ZNF296: variants seen among roughly 807,000 people sequenced by gnomAD.
ZNF296 encodes the protein zinc finger protein 296, also known as zinc finger protein 342.
In ZNF296, 1 loss-of-function variant was observed where a neutral mutation model predicts 13.2. The observed-to-expected ratio is 0.08, with a 90% confidence interval of 0.03 to 0.36. The LOEUF (loss-of-function observed/expected upper bound fraction) is 0.36, where lower values mean the gene tolerates loss of function less well. Ranked by LOEUF, ZNF296 falls within the 10% of genes least tolerant of loss-of-function variation. The pLI, the probability that ZNF296 is intolerant of heterozygous loss-of-function variation, is 0.99. For missense variants in ZNF296, 555 were observed against 688.2 expected, an observed-to-expected ratio of 0.81 and a Z score of 2.16; for synonymous variants, 303 against 289.0, an observed-to-expected ratio of 1.05 and a Z score of -0.49.
Position 45,072,086 on chromosome 19 carries a change from T to G in ZNF296, c.943A>C (p.Ser315Arg). Residue 315 changes from serine (S) to arginine (R), a missense_variant, in exon 3 of 3, where the codon AGC becomes CGC. Transcript: ENST00000303809. ...TCACCACCGCTGCATGGAAGGGTGC[T>G]GGTGGGGGCAGCAGCATGGACAGCC... ...EPAVHAAAPT[S>R]TLPCSGGEGA... is the part of the protein sequence containing the mutation. 1 of 1,612,084 alleles carries G rather than the reference T, an allele frequency of 6.2e-7. No homozygotes were observed. Among genetic ancestry groups the G allele is most frequent in the Middle Eastern group, 1.7e-4 (1 of 6,052 alleles).
chr19:45,071,691 C>A lies in ZNF296; in HGVS notation c.1338G>T (p.Glu446Asp). 6.3e-7 allele frequency: 1 copy of A among 1,580,920 alleles called. No homozygotes were observed. Among genetic ancestry groups the A allele is most frequent in the Non-Finnish European group, 8.6e-7 (1 of 1,163,144 alleles). Residue 446 changes from glutamate (E) to aspartate (D), a missense_variant, in exon 3 of 3, where the codon GAG (glutamate) becomes GAT (aspartate). Around this residue, in one of 3 missense-constraint regions of ZNF296, gnomAD observed 410 missense variants for 548.0 expected, o/e 0.75. Transcript: ENST00000303809. ...HGMTPGSTRFECPHCHVPFGL... is the reference protein window; with the variant it reads ...HGMTPGSTRFDCPHCHVPFGL... ...CGAAGGGCACATGGCAGTGGGGGCA[C>A]TCGAAGCGGGTGCTGCCAGGCGTCA...
At chr19:45,074,706 T>C (rs955267013) in intron 2 of ZNF296, among the ~76,000 whole-genome samples, 4 of 152,130 alleles carry the variant, frequency 2.6e-5, no homozygotes, top group African/African-American at 9.7e-5. Flanking sequence ...TCAGGGACCC[T>C]AGAGATCCCC....
At position 45,076,453 on chromosome 19, in the gene ZNF296, G is replaced by T; in HGVS notation, c.-80C>A. 1 of 1,067,762 alleles carries T rather than the reference G, an allele frequency of 9.4e-7. No individual in the cohort carries two copies. The highest frequency in any genetic ancestry group is 4.6e-5 in the South Asian group (1 of 21,828). 66.1% of individuals were successfully genotyped at this position (1,067,762 alleles called of 1,614,324 possible). A position where few individuals can be genotyped will look rare whatever the true frequency, so the allele number is the denominator to read the frequency against. On this transcript the variant is annotated 5_prime_UTR_variant, in exon 1 of 3. Transcript: ENST00000303809. The surrounding 1 kb of genome is among the most constrained non-coding windows in gnomAD (Gnocchi z 4.9). ...AGGACGCACGAGCGGAGGACGCGCG[G>T]ACCGTGCGCGCTCAGGTGAGTGACT...
Position 45,076,073 on chromosome 19 carries a change from C to T in ZNF296, c.298+3G>A. On this transcript the variant is annotated splice_donor_region_variant and intron_variant, in intron 1 of 2. Transcript: ENST00000303809. This position sits in a 1 kb window ranked among gnomAD's most constrained non-coding sequence, Gnocchi z 4.9. ...GGCTGGGCCCAGGGCCCGGGGTGCT[C>T]ACCGGGATAGTTCGGGGTCAACGGC... is the stretch of plus-strand genomic sequence containing the variant. The T allele has an allele frequency of 6.3e-7, 1 of 1,582,100 alleles. No homozygotes were observed. The highest frequency in any genetic ancestry group is 2.3e-5 in the East Asian group (1 of 44,252).
intron 2 of ZNF296, among the ~76,000 whole-genome samples, chr19:45,073,869 A>C (rs1967297525): frequency 6.7e-6 from 1 of 150,246 alleles, no homozygotes; most frequent in Non-Finnish European, 1.5e-5. Context: ...AGTAAAAATA[A>C]AAAATAGCCG....
chr19:45,072,216 G>C lies in ZNF296; in HGVS notation c.813C>G (p.Ser271Arg). 3.7e-6 allele frequency: 6 copies of C among 1,610,402 alleles called. No individual in the cohort carries two copies. Among genetic ancestry groups the C allele is most frequent in the Non-Finnish European group, 5.1e-6 (6 of 1,177,846 alleles). ...CDQCPYACAQ[S>R]SKLNRHKKTH... is the part of the protein sequence containing the mutation. ...TCTTCTTGTGGCGGTTGAGCTTGCT[G>C]CTCTGGGCGCAGGCGTAGGGACACT... Residue 271 changes from serine to arginine, a missense_variant, in exon 3 of 3, where the codon AGC (serine) becomes AGG (arginine). Ser to Arg is a moderately radical substitution (Grantham distance 110, BLOSUM62 -1). Coordinates refer to ENST00000303809, the MANE Select transcript of ZNF296 (RefSeq NM_145288.3).
At chr19:45,072,607 A>G (rs759727785) in intron 2 of ZNF296, 27 bp from the exon 3 acceptor site, 2 of 1,557,568 alleles carry the variant, frequency 1.3e-6, no homozygotes, top group South Asian at 1.2e-5. Flanking sequence ...GCAGAGTGTT[A>G]GTGCGGACAG....
At chr19:45,073,047 G>A (rs1967285894) in intron 2 of ZNF296, among the ~76,000 whole-genome samples, 1 of 152,088 alleles carries the variant, frequency 6.6e-6, no homozygotes. Flanking sequence ...CCACTGTGCT[G>A]GGCCATGTGT....
chr19:45,071,512 A>G lies in ZNF296; in HGVS notation c.*89T>C. The stretch of plus-strand genomic sequence containing the variant: ...GTCCAGACGGGTGTAAATAAAAGGG[A>G]AAATTTACTTGGAGAAGGCGGGCAA... On this transcript the variant is annotated 3_prime_UTR_variant, in exon 3 of 3. Coordinates refer to ENST00000303809, the MANE Select transcript of ZNF296 (RefSeq NM_145288.3). The G allele has an allele frequency of 6.7e-7, 1 of 1,485,210 alleles. No individual in the cohort carries two copies. Among genetic ancestry groups the G allele is most frequent in the Non-Finnish European group, 8.9e-7 (1 of 1,123,848 alleles). 92.0% of individuals were successfully genotyped at this position (1,485,210 alleles called of 1,614,324 possible). A position where few individuals can be genotyped will look rare whatever the true frequency, so the allele number is the denominator to read the frequency against.
rs752688112 is a variant in ZNF296, at chr19:45,072,038, C to T, written c.991G>A (p.Ala331Thr). The T allele has an allele frequency of 1.2e-6, 2 of 1,612,976 alleles. No homozygotes were observed. Among genetic ancestry groups the T allele is most frequent in the Admixed American group, 1.7e-5 (1 of 60,028 alleles). The part of the protein sequence containing the change: ...GGEGAGAAAT[A>T]GVQEPGAPGS... ...GGAGCCCCGGGTTCCTGGACACCTGCTGTGGCGGCGGCTCCAGCCCCCTCA... is the reference window on the plus strand; with the variant it reads ...GGAGCCCCGGGTTCCTGGACACCTGTTGTGGCGGCGGCTCCAGCCCCCTCA... The change falls in exon 3 of 3, where the codon GCA becomes ACA. Residue 331 changes from alanine (A) to threonine (T), a missense_variant. This residue lies in a region of ZNF296 where 410 missense variants were observed against 548.0 expected (regional missense o/e 0.75). Transcript: ENST00000303809.
rs1210482256 is a variant in ZNF296 at position 45,072,027 on chromosome 19, C to T, written c.1002G>A (p.Gln334=). 7.4e-6 allele frequency: 12 copies of T among 1,613,014 alleles called. No homozygotes were observed. The highest frequency in any genetic ancestry group is 1.7e-6 in the Non-Finnish European group (2 of 1,180,010). ...GAGAAATAGV[Q]EPGAPGSGAQ... is the part of the protein sequence containing the mutation. ...CCCCACTGCCAGGAGCCCCGGGTTC[C>T]TGGACACCTGCTGTGGCGGCGGCTC... Residue 334 remains glutamine, a synonymous_variant, in exon 3 of 3, where the codon CAG becomes CAA. Transcript: ENST00000303809.
rs1458940981 is a variant in ZNF296, at chr19:45,071,639, G to T, written c.1390C>A (p.Leu464Met). 6.5e-7 allele frequency: 1 copy of T among 1,531,852 alleles called. No individual in the cohort carries two copies. The highest frequency in any genetic ancestry group is 8.7e-7 in the Non-Finnish European group (1 of 1,143,836). 94.9% of individuals were successfully genotyped at this position (1,531,852 alleles called of 1,614,324 possible). The change falls in exon 3 of 3, where the codon CTG becomes ATG. Residue 464 changes from leucine to methionine, a missense_variant. Around this residue, in one of 3 missense-constraint regions of ZNF296, gnomAD observed 410 missense variants for 548.0 expected, o/e 0.75. Coordinates refer to ENST00000303809, the MANE Select transcript of ZNF296 (RefSeq NM_145288.3). ...FGLRATLDKH[L>M]RQKHPEAAGE... ...GCCGCCTCAGGGTGCTTCTGCCGCA[G>T]GTGTTTGTCCAGGGTGGCTCGCAGG... is the stretch of plus-strand genomic sequence containing the variant.
At chr19:45,073,624 T>C (rs1967294060) in intron 2 of ZNF296, among the ~76,000 whole-genome samples, 1 of 150,722 alleles carries the variant, frequency 6.6e-6, no homozygotes, top group Non-Finnish European at 1.5e-5. Flanking sequence ...CAGGCTATTC[T>C]TTAACTTAAT....
rs2122637558 is a variant in ZNF296 at position 45,075,843 on chromosome 19, G to T, written c.318C>A (p.Asp106Glu). The change falls in exon 2 of 3, where the codon GAC becomes GAA. Residue 106 changes from aspartate to glutamate, a missense_variant. This residue lies in a region of ZNF296 where 410 missense variants were observed against 548.0 expected (regional missense o/e 0.75). Coordinates refer to ENST00000303809, the MANE Select transcript of ZNF296 (RefSeq NM_145288.3). Reference sequence around the variant, plus strand: ...CGCAGGTCAACAGATCTGGGTGTTTGTCGGTCCAGGGCTGGCGGTCTGCAG... The same window carrying T: ...CGCAGGTCAACAGATCTGGGTGTTTTTCGGTCCAGGGCTGGCGGTCTGCAG... ...PNYPDRQPWT[D>E]KHPDLLTCGR... is the part of the protein sequence containing the mutation. 6.2e-7 allele frequency: 1 copy of T among 1,614,076 alleles called. No individual in the cohort carries two copies. The highest frequency in any genetic ancestry group is 8.5e-7 in the Non-Finnish European group (1 of 1,179,994).
At chr19:45,074,164 C>G (rs967103020) in intron 2 of ZNF296, among the ~76,000 whole-genome samples, 1 of 152,026 alleles carries the variant, frequency 6.6e-6, no homozygotes, top group Non-Finnish European at 1.5e-5. Flanking sequence ...TTTGAGACAC[C>G]AGCCTGGTCA....
chr19:45,075,699 C>T lies in ZNF296; in HGVS notation c.448+14G>A, dbSNP rs759911878. The T allele has an allele frequency of 1.2e-6, 2 of 1,612,554 alleles. No homozygotes were observed. Among genetic ancestry groups the T allele is most frequent in the South Asian group, 2.2e-5 (2 of 91,008 alleles). ...CTCGAACTTGAGAGGGGGACTGCACCCGGCTTTACTCACCTGAGCCCTGGC... is the reference window on the plus strand; with the variant it reads ...CTCGAACTTGAGAGGGGGACTGCACTCGGCTTTACTCACCTGAGCCCTGGC... On this transcript the variant is annotated intron_variant, in intron 2 of 2. Coordinates refer to ENST00000303809, the MANE Select transcript of ZNF296 (RefSeq NM_145288.3).
At position 45,071,532 on chromosome 19, in the gene ZNF296, G is replaced by A. The variant is rs1352949052; in HGVS notation, c.*69C>T. 16 of 1,490,210 alleles carry A rather than the reference G, an allele frequency of 1.1e-5. No individual in the cohort carries two copies. The highest frequency in any genetic ancestry group is 2.7e-5 in the South Asian group (2 of 72,928). 92.3% of individuals were successfully genotyped at this position (1,490,210 alleles called of 1,614,324 possible). A position where few individuals can be genotyped will look rare whatever the true frequency, so the allele number is the denominator to read the frequency against. On this transcript the variant is annotated 3_prime_UTR_variant, in exon 3 of 3. Coordinates refer to ENST00000303809, the MANE Select transcript of ZNF296 (RefSeq NM_145288.3). ...AAGGGAAAATTTACTTGGAGAAGGC[G>A]GGCAAAAACGAGGAGGTCAATGGGT... is the stretch of plus-strand genomic sequence containing the variant.
chr19:45,075,214 C>G (rs1323315018), intron 2 of ZNF296, among the ~76,000 whole-genome samples: 1 of 152,094 alleles, frequency 6.6e-6, no homozygotes, highest in African/African-American at 2.4e-5. Context: ...AAGCCAGAAG[C>G]CCCTTCCTTG....
In ZNF296 at chr19:45,074,931, CCCT is replaced by C. The variant is rs200412055; in HGVS notation, c.448+779_448+781del. Among the ~76,000 whole-genome samples, 919 of 152,270 alleles carry C rather than the reference CCCT, an allele frequency of 6.0e-3. 9 individuals are homozygous for C. The highest frequency in any genetic ancestry group is 0.021 in the African/African-American group (858 of 41,548). On this transcript the variant is annotated intron_variant, in intron 2 of 2. Transcript: ENST00000303809. ...AAAGCTGATTCAATCAGTCACAAGC[CCCT>C]CCTCTTTCCCACCACCAGACCCTCC...
Sources: allele counts gnomAD v4.1 joint callset (sites outside exome capture counted in the v4.1 genomes callset), GRCh38; gene constraint gnomAD v4.1.1; regional missense constraint gnomAD v4.1.1; non-coding constraint Gnocchi (gnomAD v3.1); transcripts MANE v1.5; gene names NCBI Gene and HGNC (gene_info 2026-07-23, HGNC 2026-07-21).